Variants in CNGB1 observed in about 807,000 individuals in gnomAD.
CNGB1 encodes the protein cyclic nucleotide-gated channel beta-1.
CNGB1 carries 126 observed loss-of-function variants against 151.7 expected under a neutral mutation model. The ratio of observed to expected loss-of-function variants is 0.83; its 90% CI spans 0.72 to 0.96. CNGB1 has a LOEUF of 0.96. Among genes scored for constraint, CNGB1 ranks in the 40% least tolerant of loss-of-function variants. The pLI, the probability that CNGB1 is intolerant of heterozygous loss-of-function variation, is 0.00. For missense variants in CNGB1, 1,698 were observed against 1,627.0 expected (o/e 1.04, Z -0.75); for synonymous variants, 623 against 635.1 (o/e 0.98, Z 0.29).
rs761350175 is a variant in CNGB1, at chr16:57,897,528, C to A, written c.3111G>T (p.Gly1037=). The A allele has an allele frequency of 1.2e-6, 2 of 1,614,114 alleles. No homozygotes were observed. Residue 1037 remains glycine (G), a synonymous_variant, in exon 31 of 33, where the codon GGG becomes GGT. Coordinates refer to ENST00000251102, the MANE Select transcript of CNGB1 (RefSeq NM_001297.5). ...VFGEISLLAV[G]GGNRRTANVV... is the part of the protein sequence containing the mutation. Reference sequence around the variant, plus strand: ...CGTTGGCCGTGCGCCGGTTCCCGCCCCCAACAGCCAGCAAGCTGGGGCAGA... The same window carrying A: ...CGTTGGCCGTGCGCCGGTTCCCGCCACCAACAGCCAGCAAGCTGGGGCAGA...
At chr16:57,897,326 G>C in intron 31 of CNGB1, 71 bp downstream of exon 31, 1 of 1,472,204 alleles carries the variant, frequency 6.8e-7, no homozygotes, top group Non-Finnish European at 9.4e-7. Flanking sequence ...AAAGATAAAG[G>C]TACTGTGGTT....
At chr16:57,917,891 T>C (rs1210181907) in intron 20 of CNGB1, among the ~76,000 whole-genome samples, 1 of 152,070 alleles carries the variant, frequency 6.6e-6, no homozygotes, top group East Asian at 1.9e-4. Context: ...TATGCTGGTA[T>C]TATAAGATAA....
intron 21 of CNGB1, among the ~76,000 whole-genome samples, 182 bp downstream of exon 21, chr16:57,917,086 T>C (rs1296506300): frequency 6.6e-6 from 1 of 152,206 alleles, no homozygotes; most frequent in East Asian, 1.9e-4. Flanking sequence ...TGTGCGTAAT[T>C]TGAACGTATC....
At chr16:57,963,099 T>G (rs1174288338) in intron 4 of CNGB1, 35 bp from the exon 5 acceptor site, 1 of 1,523,362 alleles carries the variant, frequency 6.6e-7, no homozygotes, top group Non-Finnish European at 9.1e-7. Context: ...CGCCCTCAAC[T>G]TCCCCTAGCT....
intron 17 of CNGB1, among the ~76,000 whole-genome samples, chr16:57,931,211 T>G (rs2149371723): frequency 6.6e-6 from 1 of 152,182 alleles, no homozygotes; most frequent in South Asian, 2.1e-4. Flanking sequence ...CAGGCTGCAG[T>G]GCAATGGCAC....
At chr16:57,926,829 A>C (rs904083698) in intron 17 of CNGB1, among the ~76,000 whole-genome samples, 1 of 152,050 alleles carries the variant, frequency 6.6e-6, no homozygotes, top group African/African-American at 2.4e-5. Flanking sequence ...AAAATACAAA[A>C]ATTAGCCGGG....
chr16:57,915,171 G>T, intron 23 of CNGB1, 78 bp downstream of exon 23: 3 of 1,178,452 alleles, frequency 2.5e-6, no homozygotes, highest in Non-Finnish European at 3.7e-6. Context: ...TGCTGCTGGG[G>T]GCAGACACGA....
At chr16:57,925,943 C>A (rs899225686) in intron 17 of CNGB1, among the ~76,000 whole-genome samples, 14 of 152,188 alleles carry the variant, frequency 9.2e-5, no homozygotes, top group African/African-American at 3.1e-4. Flanking sequence ...CTACCTCAGC[C>A]TCCCAAAGTG....
chr16:57,904,199 C>T (rs1235361180), intron 26 of CNGB1, among the ~76,000 whole-genome samples: 1 of 152,098 alleles, frequency 6.6e-6, no homozygotes, highest in Non-Finnish European at 1.5e-5. Context: ...GGGAGGGAGA[C>T]TGCCAGCCCC....
chr16:57,905,973 A>G (rs1960539240), intron 25 of CNGB1, among the ~76,000 whole-genome samples: 1 of 152,246 alleles, frequency 6.6e-6, no homozygotes, highest in Non-Finnish European at 1.5e-5. Flanking sequence ...GTGTGTGATT[A>G]TCACAGAGCA....
chr16:57,959,818 T>G, intron 10 of CNGB1, 70 bp downstream of exon 10: 1 of 1,409,582 alleles, frequency 7.1e-7, no homozygotes, highest in Non-Finnish European at 9.3e-7. Flanking sequence ...TCCAGGAGGT[T>G]GGGTGTTAGG....
chr16:57,900,767 G>T (rs1011625597), intron 29 of CNGB1, among the ~76,000 whole-genome samples: 14 of 152,178 alleles, frequency 9.2e-5, no homozygotes, highest in South Asian at 2.1e-4. Context: ...AGCGCTGGCA[G>T]ATTTTCTGTT....
At chr16:57,904,338 G>A (rs1319975474) in intron 26 of CNGB1, among the ~76,000 whole-genome samples, 1 of 152,130 alleles carries the variant, frequency 6.6e-6, no homozygotes, top group African/African-American at 2.4e-5. Flanking sequence ...GAAATAGGAA[G>A]CCAGTGTGCT....
At chr16:57,929,476 G>GGGGAGAGAGA (rs143260483) in intron 17 of CNGB1, among the ~76,000 whole-genome samples, 1 of 145,858 alleles carries the variant, frequency 6.9e-6, no homozygotes, top group East Asian at 2.0e-4. Context: ...AGAGAGAGAG[G>GGGGAGAGAGA]GAGAGAGAGA....
chr16:57,939,478 C>T lies in CNGB1; in HGVS notation c.1324G>A (p.Glu442Lys), dbSNP rs1744654434. Residue 442 changes from glutamate (E) to lysine (K), a missense_variant, in exon 16 of 33, where the codon GAG becomes AAG. Coordinates refer to ENST00000251102, the MANE Select transcript of CNGB1 (RefSeq NM_001297.5). Reference sequence around the variant, plus strand: ...TCAGCCTCAGGCTCCTCCTTGGTCTCCGCCCAGTCCTGGGGCTCCTTTTCA... The same window carrying T: ...TCAGCCTCAGGCTCCTCCTTGGTCTTCGCCCAGTCCTGGGGCTCCTTTTCA... ...EAEKEPQDWA[E>K]TKEEPEAEAE... 1.9e-6 allele frequency: 3 copies of T among 1,614,050 alleles called. No individual in the cohort carries two copies. Among genetic ancestry groups the T allele is most frequent in the Admixed American group, 3.3e-5 (2 of 60,004 alleles).
rs1202466568 is a variant in CNGB1, at chr16:57,915,296, A to G, written c.2257T>C (p.Leu753=). The G allele has an allele frequency of 6.2e-7, 1 of 1,613,968 alleles. No individual in the cohort carries two copies. Among genetic ancestry groups the G allele is most frequent in the African/African-American group, 1.3e-5 (1 of 74,916 alleles). The change falls in exon 23 of 33, where the codon TTG becomes CTG. Residue 753 remains leucine, a synonymous_variant. Coordinates refer to ENST00000251102, the MANE Select transcript of CNGB1 (RefSeq NM_001297.5). ...LSLLPLDFLY[L]KVGVNPLLRL... ...AGGAGGGGGTTCACACCGACTTTCA[A>G]ATAGAGAAAATCCAAGGGCAGGAGG...
chr16:57,883,149 C>A lies in CNGB1; in HGVS notation c.*1015G>T, dbSNP rs1411084526. On this transcript the variant is annotated 3_prime_UTR_variant, in exon 33 of 33. Transcript: ENST00000251102. ...TCTGGGGAAGATAAGCACTAACTAC[C>A]TTAATGGGCATCTAGCCCCCTACTG... 1 of 152,288 alleles carries A rather than the reference C, an allele frequency of 6.6e-6. No individual in the cohort carries two copies. The highest frequency in any genetic ancestry group is 1.5e-5 in the Non-Finnish European group (1 of 68,102). The allele number at this position is 152,288 out of a possible 1,614,324, so 9.4% of individuals were successfully genotyped here.
At chr16:57,960,644 G>A (rs1352578703) in intron 8 of CNGB1, 114 bp from the exon 9 acceptor site, 31 of 1,410,890 alleles carry the variant, frequency 2.2e-5, no homozygotes, top group East Asian at 1.5e-4. Flanking sequence ...GATGGGGGTG[G>A]GGGGTGTCTC....
intron 14 of CNGB1, among the ~76,000 whole-genome samples, chr16:57,942,468 C>A (rs1961693268): frequency 6.6e-6 from 1 of 152,004 alleles, no homozygotes. Flanking sequence ...TGAAACAACC[C>A]AATTTACAAT....
Sources: gnomAD v4.1 joint callset for allele counts (sites outside exome capture counted in the v4.1 genomes callset) on GRCh38, gnomAD v4.1.1 for gene constraint, MANE v1.5 for transcripts, NCBI Gene and HGNC (gene_info 2026-07-23, HGNC 2026-07-21) for gene names.